The following HDAC5 variants were observed in gnomAD, a reference collection of about 807,000 sequenced individuals.
HDAC5 encodes antigen NY-CO-9.
HDAC5 carries 25 observed loss-of-function variants against 133.3 expected under a neutral mutation model. The ratio of observed to expected loss-of-function variants is 0.19; its 90% CI spans 0.14 to 0.26. The LOEUF (loss-of-function observed/expected upper bound fraction) is 0.26. HDAC5 is among the 10% of genes least tolerant of loss of function. The probability of loss-of-function intolerance (pLI) is 1.00; values close to 1 mark genes in which losing one functional copy is unlikely to be tolerated. For synonymous variants in HDAC5, 589 were observed against 610.8 expected (o/e 0.96, Z 0.53); for missense variants, 1,041 against 1,460.5 (o/e 0.71, Z 4.68).
intron 9 of HDAC5, 60 bp downstream of exon 9, chr17:44,092,112 T>C: frequency 6.9e-7 from 1 of 1,454,338 alleles, no homozygotes; most frequent in Non-Finnish European, 9.5e-7. Flanking sequence ...GCTGCACTCT[T>C]TCTTCCATGG....
intron 13 of HDAC5, among the ~76,000 whole-genome samples, chr17:44,087,054 C>A (rs973870663): frequency 1.3e-5 from 2 of 151,620 alleles, no homozygotes; most frequent in Admixed American, 6.6e-5. Context: ...GAATGGAGTG[C>A]CAGCTAGGCG....
At chr17:44,094,757 T>C (rs1386905220) in intron 3 of HDAC5, among the ~76,000 whole-genome samples, 1 of 150,744 alleles carries the variant, frequency 6.6e-6, no homozygotes, top group Non-Finnish European at 1.5e-5. Flanking sequence ...TGTGTGTGTA[T>C]ATATATATAT....
intron 3 of HDAC5, among the ~76,000 whole-genome samples, chr17:44,108,101 A>T (rs228764): frequency 1.3e-5 from 2 of 152,068 alleles, no homozygotes; most frequent in Admixed American, 1.3e-4. Context: ...TGCACTGGGG[A>T]GCTGTGGTAG....
intron 3 of HDAC5, among the ~76,000 whole-genome samples, chr17:44,106,063 G>A (rs891216421): frequency 3.9e-5 from 6 of 152,150 alleles, no homozygotes; most frequent in African/African-American, 7.2e-5. Context: ...GCCTCACAGC[G>A]TCCCCAGGCT....
At chr17:44,105,551 A>G (rs567123566) in intron 3 of HDAC5, among the ~76,000 whole-genome samples, 20 of 152,314 alleles carry the variant, frequency 1.3e-4, no homozygotes, top group African/African-American at 4.3e-4. Flanking sequence ...GGGGCTCCAG[A>G]GCAGATCTGC....
Position 44,123,489 on chromosome 17 carries a change from G to A in HDAC5, c.-190+15C>T. On this transcript the variant is annotated intron_variant, in intron 1 of 26. Coordinates refer to ENST00000682912, the MANE Select transcript of HDAC5 (RefSeq NM_005474.5). ...TCCGGGGAAGATGGGATCTGGGCCG[G>A]GGCGGCGCGCTCACCCGCTGCGGCT... 1 of 375,048 alleles carries A rather than the reference G, an allele frequency of 2.7e-6. No homozygotes were observed. The allele number at this position is 375,048 out of a possible 1,614,324, so 23.2% of individuals were successfully genotyped here. A position where few individuals can be genotyped will look rare whatever the true frequency, so the allele number is the denominator to read the frequency against.
At position 44,104,864 on chromosome 17, in the gene HDAC5, A is replaced by T. The variant is rs190241519; in HGVS notation, c.94+5865T>A. ...CCACATCCTCCCGGGCTGAGGACAT[A>T]GGAGGCCCTAAGCCCCTCTTCCCAC... On this transcript the variant is annotated intron_variant, in intron 3 of 26. Coordinates refer to ENST00000682912, the MANE Select transcript of HDAC5 (RefSeq NM_005474.5). 1.3e-4 allele frequency among the ~76,000 whole-genome samples: 20 copies of T among 152,302 alleles called. 1 individual carries two copies. In the East Asian group the frequency reaches 2.5e-3, roughly 19 times the overall value.
At chr17:44,114,102 A>C (rs1471869948) in intron 2 of HDAC5, among the ~76,000 whole-genome samples, 1 of 152,220 alleles carries the variant, frequency 6.6e-6, no homozygotes, top group Non-Finnish European at 1.5e-5. Context: ...GGCATCTTCT[A>C]CTTCCCCTCA....
intron 13 of HDAC5, among the ~76,000 whole-genome samples, chr17:44,087,093 G>A (rs1170142261): frequency 1.3e-5 from 2 of 151,746 alleles, no homozygotes; most frequent in African/African-American, 2.4e-5. Flanking sequence ...CAGCGGGGGC[G>A]TGTGTGTACA....
chr17:44,102,595 G>A (rs1170501467), intron 3 of HDAC5, among the ~76,000 whole-genome samples: 1 of 151,634 alleles, frequency 6.6e-6, no homozygotes, highest in Non-Finnish European at 1.5e-5. Flanking sequence ...TCTTGACCTC[G>A]TGATCCGCCT....
At chr17:44,082,474 T>C (rs2050440669) in intron 20 of HDAC5, 111 bp downstream of exon 20, 2 of 813,830 alleles carry the variant, frequency 2.5e-6, no homozygotes, top group Non-Finnish European at 4.1e-6. Context: ...CACCCGAGGA[T>C]GAGGACGACT....
Position 44,091,331 on chromosome 17 carries a change from G to T in HDAC5, c.1326C>A (p.Ala442=), listed in dbSNP as rs1394642839. 1 of 1,610,256 alleles carries T rather than the reference G, an allele frequency of 6.2e-7. No individual in the cohort carries two copies. Among genetic ancestry groups the T allele is most frequent in the Admixed American group, 1.7e-5 (1 of 59,610 alleles). ...LEGDGSPHGH[A]SLLQHVLLLE... Reference sequence around the variant, plus strand: ...GCAACAGCACATGCTGCAGCAGGGAGGCATGCCCGTGGGGGCTCCCGTCGC... The same window carrying T: ...GCAACAGCACATGCTGCAGCAGGGATGCATGCCCGTGGGGGCTCCCGTCGC... The change falls in exon 11 of 27, where the codon GCC becomes GCA. Residue 442 remains alanine, a synonymous_variant. Transcript: ENST00000682912.
chr17:44,119,725 C>T (rs1390068115), intron 1 of HDAC5, among the ~76,000 whole-genome samples: 1 of 152,162 alleles, frequency 6.6e-6, no homozygotes, highest in African/African-American at 2.4e-5. Flanking sequence ...ATGGTCTGAT[C>T]GGGACAAGCA....
At chr17:44,113,483 C>G (rs1023320101) in intron 2 of HDAC5, among the ~76,000 whole-genome samples, 3 of 152,114 alleles carry the variant, frequency 2.0e-5, no homozygotes, top group Non-Finnish European at 4.4e-5. Context: ...GTCTTTTTTT[C>G]TTCTGAGATT....
intron 2 of HDAC5, chr17:44,111,438 G>A: frequency 7.5e-6 from 3 of 402,420 alleles, no homozygotes; most frequent in South Asian, 5.4e-5. Flanking sequence ...CCACAGCGCT[G>A]GGTGGCCAGA....
chr17:44,083,829 A>G lies in HDAC5; in HGVS notation c.2331T>C (p.Ala777=). Residue 777 remains alanine (A), a synonymous_variant, in exon 17 of 27, where the codon GCT becomes GCC. Coordinates refer to ENST00000682912, the MANE Select transcript of HDAC5 (RefSeq NM_005474.5). ...CCCCGATGCCCCCACAAGGCAGCAC[A>G]GCATACATCTTCTGGCTGATGGGGC... is the stretch of plus-strand genomic sequence containing the variant. ...LLGPISQKMY[A]VLPCGGIGVD... The G allele has an allele frequency of 6.2e-7, 1 of 1,613,182 alleles. No individual in the cohort carries two copies. The highest frequency in any genetic ancestry group is 1.1e-5 in the South Asian group (1 of 91,042).
chr17:44,086,699 C>G lies in HDAC5; in HGVS notation c.1923G>C (p.Val641=). ...SDAQPLQPLQ[V]YQAPLSLATV... Reference sequence around the variant, plus strand: ...TGGCCAGGCTGAGGGGCGCCTGGTACACCTGCAAAGGCTGCAGCGGCTGGG... The same window carrying G: ...TGGCCAGGCTGAGGGGCGCCTGGTAGACCTGCAAAGGCTGCAGCGGCTGGG... Residue 641 remains valine (V), a synonymous_variant, in exon 14 of 27, where the codon GTG becomes GTC. Transcript: ENST00000682912. The G allele has an allele frequency of 7.7e-7, 1 of 1,300,214 alleles. No individual in the cohort carries two copies. The highest frequency in any genetic ancestry group is 3.4e-5 in the South Asian group (1 of 29,162). The allele number at this position is 1,300,214 out of a possible 1,614,324, so 80.5% of individuals were successfully genotyped here.
intron 2 of HDAC5, among the ~76,000 whole-genome samples, chr17:44,115,486 C>T (rs977265974): frequency 6.6e-6 from 1 of 152,210 alleles, no homozygotes; most frequent in African/African-American, 2.4e-5. Flanking sequence ...TTCTGCCAGG[C>T]GCTGGGCACC....
chr17:44,088,710 C>CCTG, intron 11 of HDAC5, 112 bp from the exon 12 acceptor site: 3 of 1,446,124 alleles, frequency 2.1e-6, no homozygotes, highest in South Asian at 1.4e-5. Flanking sequence ...CACCTATATA[C>CCTG]TCAGGAAAAA....
Sources: allele counts gnomAD v4.1 joint callset (sites outside exome capture counted in the v4.1 genomes callset), GRCh38; gene constraint gnomAD v4.1.1; transcripts MANE v1.5; gene names NCBI Gene and HGNC (gene_info 2026-07-23, HGNC 2026-07-21).